TUSC3: variants seen among roughly 807,000 people sequenced by gnomAD.
TUSC3 encodes the protein dolichyl-diphosphooligosaccharide--protein glycosyltransferase subunit TUSC3.
TUSC3 carries 45 observed loss-of-function variants against 44.8 expected under a neutral mutation model. The ratio of observed to expected loss-of-function variants is 1.00; its 90% CI spans 0.79 to 1.29. TUSC3 has a LOEUF of 1.29. TUSC3 is among the 50% of genes most tolerant of loss of function. The pLI is 0.00. For missense variants in TUSC3, 519 were observed against 437.9 expected (o/e 1.19, Z -1.65); for synonymous variants, 212 against 152.9 (o/e 1.39, Z -2.85).
At chr8:15,786,605 G>A in the TUSC3 span, among the ~76,000 whole-genome samples, 5 of 152,016 alleles carry the variant, frequency 3.3e-5, no homozygotes, top group South Asian at 2.1e-4. Context: ...ATACAAACAC[G>A]CATGCAGGTA....
chr8:15,603,844 T>C (rs1385271127), intron 1 of TUSC3, among the ~76,000 whole-genome samples: 4 of 151,464 alleles, frequency 2.6e-5, no homozygotes, highest in African/African-American at 4.8e-5. Flanking sequence ...CTTATGTAAA[T>C]GAAGATGTTT....
At chr8:15,582,875 A>C (rs1803431896) in intron 1 of TUSC3, among the ~76,000 whole-genome samples, 1 of 152,170 alleles carries the variant, frequency 6.6e-6, no homozygotes, top group African/African-American at 2.4e-5. Flanking sequence ...TCTCCTTTTT[A>C]GAAGACCTAC....
At chr8:15,504,130 A>G (rs1563268364) in intron 2 of TUSC3, among the ~76,000 whole-genome samples, 1 of 152,156 alleles carries the variant, frequency 6.6e-6, no homozygotes, top group African/African-American at 2.4e-5. Flanking sequence ...AAAGAAAGCC[A>G]TGAATACAAT....
At chr8:15,566,627 G>T (rs563527396) in intron 1 of TUSC3, among the ~76,000 whole-genome samples, 73 of 147,992 alleles carry the variant, frequency 4.9e-4, no homozygotes, top group Middle Eastern at 3.5e-3. Flanking sequence ...TGTTGTTGTT[G>T]TTTTTTTTTT....
chr8:15,816,943 C>G, the TUSC3 span, among the ~76,000 whole-genome samples: 1 of 152,206 alleles, frequency 6.6e-6, no homozygotes, highest in Admixed American at 6.5e-5. Context: ...ATTTTTGCCA[C>G]TCCAAAATGT....
intron 2 of TUSC3, among the ~76,000 whole-genome samples, chr8:15,498,263 T>C (rs898033383): frequency 1.3e-5 from 2 of 152,166 alleles, no homozygotes; most frequent in African/African-American, 4.8e-5. Flanking sequence ...AGAACACAGA[T>C]TGAGTAGACT....
intron 6 of TUSC3, among the ~76,000 whole-genome samples, chr8:15,708,597 A>C (rs1365824216): frequency 6.6e-6 from 1 of 151,982 alleles, no homozygotes; most frequent in Non-Finnish European, 1.5e-5. Context: ...TTGGGAGGCA[A>C]GTTGATAACA....
intron 1 of TUSC3, among the ~76,000 whole-genome samples, chr8:15,481,793 G>T (rs868445576): frequency 3.6e-4 from 55 of 152,096 alleles, no homozygotes; most frequent in African/African-American, 1.3e-3. Flanking sequence ...TCTTTTTGCC[G>T]GCGGAGGGTC....
the TUSC3 span, among the ~76,000 whole-genome samples, chr8:15,777,802 A>T: frequency 6.6e-6 from 1 of 152,178 alleles, no homozygotes; most frequent in African/African-American, 2.4e-5. Context: ...AAAATATTAT[A>T]TACAGATATA....
chr8:15,439,380 A>G (rs542772996), intron 1 of TUSC3, among the ~76,000 whole-genome samples: 1 of 152,288 alleles, frequency 6.6e-6, no homozygotes, highest in South Asian at 2.1e-4. Flanking sequence ...AGCCTGGGCA[A>G]CACAGTGAGT....
chr8:15,626,686 T>C (rs1805524693), intron 2 of TUSC3, among the ~76,000 whole-genome samples: 1 of 152,198 alleles, frequency 6.6e-6, no homozygotes, highest in Non-Finnish European at 1.5e-5. Context: ...TCTTGGTGGC[T>C]GCTCCAGTCT....
At chr8:15,528,725 A>AT (rs1271580220) in intron 2 of TUSC3, among the ~76,000 whole-genome samples, 7 of 152,360 alleles carry the variant, frequency 4.6e-5, no homozygotes, top group African/African-American at 9.6e-5. Flanking sequence ...TCTTTCTTTA[A>AT]TTTTTTTTAA....
intron 6 of TUSC3, among the ~76,000 whole-genome samples, chr8:15,704,351 G>A (rs560372529): frequency 6.6e-6 from 1 of 151,164 alleles, no homozygotes; most frequent in South Asian, 2.1e-4. Context: ...GTGACACGGT[G>A]CTGTGCTGTG....
chr8:15,570,780 T>C (rs1280252698), intron 1 of TUSC3, among the ~76,000 whole-genome samples: 1 of 151,924 alleles, frequency 6.6e-6, no homozygotes, highest in Non-Finnish European at 1.5e-5. Flanking sequence ...AAGCTGTTCT[T>C]CTGATTTAAG....
At chr8:15,716,553 G>T (rs1363547531) in intron 6 of TUSC3, among the ~76,000 whole-genome samples, 1 of 152,050 alleles carries the variant, frequency 6.6e-6, no homozygotes, top group African/African-American at 2.4e-5. Context: ...GTGCTCCCTT[G>T]TAATACACTG....
At chr8:15,776,703 A>G in the TUSC3 span, among the ~76,000 whole-genome samples, 4 of 152,228 alleles carry the variant, frequency 2.6e-5, no homozygotes, top group Admixed American at 1.3e-4. Flanking sequence ...GCAGTGAGCT[A>G]TATTATCACT....
At chr8:15,739,643 A>T (rs1219985335) in intron 7 of TUSC3, among the ~76,000 whole-genome samples, 1 of 152,224 alleles carries the variant, frequency 6.6e-6, no homozygotes, top group Admixed American at 6.5e-5. Context: ...AGTTATTGCA[A>T]ACTTATTTGT....
At chr8:15,723,219 T>A (rs1810371933) in intron 6 of TUSC3, among the ~76,000 whole-genome samples, 1 of 152,160 alleles carries the variant, frequency 6.6e-6, no homozygotes, top group African/African-American at 2.4e-5. Flanking sequence ...AATTTCATAC[T>A]CCACAACAGA....
chr8:15,803,197 T>C, the TUSC3 span, among the ~76,000 whole-genome samples: 3 of 133,160 alleles, frequency 2.3e-5, no homozygotes, highest in South Asian at 4.5e-4. Context: ...ACGTGCTTTA[T>C]TAAAACAAAT....
Sources: allele counts gnomAD v4.1 joint callset (sites outside exome capture counted in the v4.1 genomes callset), GRCh38; gene constraint gnomAD v4.1.1; transcripts MANE v1.5; gene names NCBI Gene and HGNC (gene_info 2026-07-23, HGNC 2026-07-21).